The following STX1B variants were observed in gnomAD, a reference collection of about 807,000 sequenced individuals.
STX1B encodes the protein syntaxin 1B.
A neutral mutation model predicts 39.4 loss-of-function variants in STX1B; 7 were observed. The ratio of observed to expected loss-of-function variants is 0.18; its 90% CI spans 0.10 to 0.33. The LOEUF is 0.33. Among genes scored for constraint, STX1B ranks in the 10% least tolerant of loss-of-function variants. STX1B has a pLI of 1.00. For synonymous variants in STX1B, 136 were observed against 144.1 expected (o/e 0.94, Z 0.40); for missense variants, 198 against 383.2 (o/e 0.52, Z 4.04).
intron 4 of STX1B, 158 bp downstream of exon 4, chr16:31,000,770 T>C: frequency 1.4e-6 from 1 of 734,244 alleles, no homozygotes; most frequent in Admixed American, 2.6e-5. Context: ...AGCTAATTTT[T>C]GTATTTTTTG....
At chr16:30,993,106 C>G in intron 9 of STX1B, 24 bp downstream of exon 9, 1 of 1,610,826 alleles carries the variant, frequency 6.2e-7, no homozygotes, top group African/African-American at 1.3e-5. Flanking sequence ...CCCCGCCTAC[C>G]CCCAGGCCGC....
At chr16:31,009,980 C>T (rs538494751) in intron 1 of STX1B, among the ~76,000 whole-genome samples, 1 of 152,216 alleles carries the variant, frequency 6.6e-6, no homozygotes, top group Non-Finnish European at 1.5e-5. Flanking sequence ...CTGCTAGACT[C>T]TCAGCCTGGC....
At position 30,993,431 on chromosome 16, in the gene STX1B, C is replaced by T. The variant is rs774229767; in HGVS notation, c.591G>A (p.Arg197=). The T allele has an allele frequency of 3.1e-6, 5 of 1,613,898 alleles. No individual in the cohort carries two copies. The highest frequency in any genetic ancestry group is 4.2e-6 in the Non-Finnish European group (5 of 1,180,012). ...TCTCCAGCTTGATGATCTCATTGTG[C>T]CTCGTCTCAATCTCATTCAGCGCCT... ...TKQALNEIET[R]HNEIIKLETS... is the part of the protein sequence containing the mutation. Residue 197 remains arginine, a synonymous_variant, in exon 8 of 10, where the codon AGG becomes AGA. Transcript: ENST00000215095.
Position 30,990,606 on chromosome 16 carries a change from A to T in STX1B, c.*2215T>A, listed in dbSNP as rs1207457265. ...ACCTGGGACCCTGGGGTCCGCACAC[A>T]CACACCGAGTGCCTTGCCTGTGCAC... is the stretch of plus-strand genomic sequence containing the variant. On this transcript the variant is annotated 3_prime_UTR_variant, in exon 10 of 10. Transcript: ENST00000215095. 1.3e-5 allele frequency: 2 copies of T among 152,276 alleles called. No homozygotes were observed. The highest frequency in any genetic ancestry group is 4.8e-5 in the African/African-American group (2 of 41,440). 9.4% of individuals were successfully genotyped at this position (152,276 alleles called of 1,614,324 possible).
chr16:31,000,074 T>A (rs1476359066), intron 4 of STX1B, among the ~76,000 whole-genome samples: 1 of 151,724 alleles, frequency 6.6e-6, no homozygotes, highest in Non-Finnish European at 1.5e-5. Flanking sequence ...CTCGGCTCAC[T>A]GCAACCTCTG....
At position 31,001,279 on chromosome 16, in the gene STX1B, G is replaced by C; in HGVS notation, c.106-86C>G. ...GAACCAGCCAGGGTTCAGGGGAATG[G>C]ACCAGCCCCAGAACGGCTGATAAAA... On this transcript the variant is annotated intron_variant, in intron 2 of 9. Transcript: ENST00000215095. The surrounding 1 kb of genome is among the most constrained non-coding windows in gnomAD (Gnocchi z 5.5). 2 of 1,328,500 alleles carry C rather than the reference G, an allele frequency of 1.5e-6. No individual in the cohort carries two copies. The highest frequency in any genetic ancestry group is 1.2e-5 in the South Asian group (1 of 83,642). 82.3% of individuals were successfully genotyped at this position (1,328,500 alleles called of 1,614,324 possible). A position where few individuals can be genotyped will look rare whatever the true frequency, so the allele number is the denominator to read the frequency against.
At chr16:30,998,432 C>T (rs537284028) in intron 4 of STX1B, among the ~76,000 whole-genome samples, 3 of 152,346 alleles carry the variant, frequency 2.0e-5, no homozygotes, top group Admixed American at 2.0e-4. Flanking sequence ...ACAGCTCTGG[C>T]TCAGCAACAC....
rs775117894 is a variant in STX1B, at chr16:30,992,827, G to A, written c.861C>T (p.Gly287=). ...AGAGAAGGGTGGGGGGGGCCTACAA[G>A]CCCAGCGTCCCCCCAATGGATGACG... ...VLASSIGGTL[G]L is the part of the protein sequence containing the mutation. Residue 287 remains glycine, a synonymous_variant, in exon 10 of 10, where the codon GGC becomes GGT. Transcript: ENST00000215095. The A allele has an allele frequency of 1.2e-5, 20 of 1,610,366 alleles. No individual in the cohort carries two copies. In the East Asian group the frequency reaches 4.2e-4, roughly 34 times the overall value.
At chr16:30,997,423 C>T in intron 5 of STX1B, 79 bp downstream of exon 5, 3 of 1,152,946 alleles carry the variant, frequency 2.6e-6, no homozygotes, top group East Asian at 7.0e-5. Flanking sequence ...CGGTGCTTGG[C>T]CCTGGCCCGC....
rs759427955 is a variant in STX1B, at chr16:30,993,434, C to T, written c.588G>A (p.Thr196=). The T allele has an allele frequency of 1.5e-5, 24 of 1,613,930 alleles. No homozygotes were observed. In the South Asian group the frequency reaches 2.0e-4, roughly 13 times the overall value. ...CCAGCTTGATGATCTCATTGTGCCTCGTCTCAATCTCATTCAGCGCCTGCT... is the reference window on the plus strand; with the variant it reads ...CCAGCTTGATGATCTCATTGTGCCTTGTCTCAATCTCATTCAGCGCCTGCT... The part of the protein sequence containing the change: ...MTKQALNEIE[T]RHNEIIKLET... The change falls in exon 8 of 10, where the codon ACG becomes ACA. Residue 196 remains threonine, a synonymous_variant. Transcript: ENST00000215095.
rs1428425873 is a variant in STX1B, at chr16:30,989,940, C to T, written c.*2881G>A. On this transcript the variant is annotated 3_prime_UTR_variant, in exon 10 of 10. Transcript: ENST00000215095. ...TGGTTGCAGGCGCCTGGGCAGGTAGCACACATTTGTCCAAGAACATGCAAA... is the reference window on the plus strand; with the variant it reads ...TGGTTGCAGGCGCCTGGGCAGGTAGTACACATTTGTCCAAGAACATGCAAA... The T allele has an allele frequency of 1.3e-5, 2 of 152,314 alleles. No individual in the cohort carries two copies. Among genetic ancestry groups the T allele is most frequent in the African/African-American group, 4.8e-5 (2 of 41,436 alleles). The allele number at this position is 152,314 out of a possible 1,614,324, so 9.4% of individuals were successfully genotyped here.
rs759692040 is a variant in STX1B at position 31,000,882 on chromosome 16, C to T, written c.280+46G>A. ...CCCAAAGGCCTGAGCCACCATGCTC[C>T]ACCCACAATTCTTTTCCTTCCTGGT... On this transcript the variant is annotated intron_variant, in intron 4 of 9. Transcript: ENST00000215095. 8 of 1,602,350 alleles carry T rather than the reference C, an allele frequency of 5.0e-6. No homozygotes were observed. In the South Asian group the frequency reaches 7.7e-5, roughly 15 times the overall value.
At position 31,001,595 on chromosome 16, in the gene STX1B, G is replaced by A; in HGVS notation, c.39C>T (p.Asp13=). ...GGACCACCTCCTCTTCATCATCACT[G>A]TCTTTCGCCTGGGGACAAGGAAGGC... The part of the protein sequence containing the change: ...DRTQELRSAK[D]SDDEEEVVHV... The change falls in exon 2 of 10, where the codon GAC becomes GAT. Residue 13 remains aspartate (D), a synonymous_variant. Transcript: ENST00000215095. This position sits in a 1 kb window ranked among gnomAD's most constrained non-coding sequence, Gnocchi z 5.5. 1.2e-6 allele frequency: 2 copies of A among 1,613,286 alleles called. No homozygotes were observed. Among genetic ancestry groups the A allele is most frequent in the South Asian group, 2.2e-5 (2 of 91,068 alleles).
rs757490123 is a variant in STX1B, at chr16:30,997,091, G to A, written c.355-32C>T. 50 of 1,494,122 alleles carry A rather than the reference G, an allele frequency of 3.3e-5. No homozygotes were observed. The South Asian group carries it at 5.6e-4, about 17-fold the overall frequency. The allele number at this position is 1,494,122 out of a possible 1,614,324, so 92.6% of individuals were successfully genotyped here. Reference sequence around the variant, plus strand: ...TGGGGGTGGGGGGACAGACGGATCAGGGAGGTAGTCAGGGATCAGGGAGGG... The same window carrying A: ...TGGGGGTGGGGGGACAGACGGATCAAGGAGGTAGTCAGGGATCAGGGAGGG... On this transcript the variant is annotated intron_variant, in intron 5 of 9. Transcript: ENST00000215095.
At chr16:30,993,263 C>A (rs762846021) in intron 8 of STX1B, 23 bp from the exon 9 acceptor site, 1 of 1,613,886 alleles carries the variant, frequency 6.2e-7, no homozygotes, top group Non-Finnish European at 8.5e-7. Flanking sequence ...GAGACATGCA[C>A]AGGGAGGGAT....
intron 1 of STX1B, 23 bp downstream of exon 1, chr16:31,010,344 A>AGC (rs780718517): frequency 4.5e-6 from 1 of 224,708 alleles, no homozygotes; most frequent in Admixed American, 6.4e-5. Flanking sequence ...CCGCCCCCCC[A>AGC]TTCTCCCCAC....
chr16:30,997,350 G>A (rs1348928407), intron 5 of STX1B, 152 bp downstream of exon 5: 1 of 699,648 alleles, frequency 1.4e-6, no homozygotes, highest in East Asian at 2.8e-5. Flanking sequence ...CCCGCCCAGG[G>A]CCCCGCCCGC....
At chr16:30,993,086 C>A (rs201144770) in intron 9 of STX1B, 44 bp downstream of exon 9, 7 of 1,586,600 alleles carry the variant, frequency 4.4e-6, no homozygotes, top group Admixed American at 1.7e-5. Flanking sequence ...CCGGGCTCAG[C>A]CTTGGGCTCC....
intron 1 of STX1B, among the ~76,000 whole-genome samples, chr16:31,002,389 G>A (rs887723737): frequency 6.6e-6 from 1 of 152,070 alleles, no homozygotes; most frequent in Non-Finnish European, 1.5e-5. Flanking sequence ...AGACAGACTC[G>A]AGACACAGAC....
Sources: allele counts gnomAD v4.1 joint callset (sites outside exome capture counted in the v4.1 genomes callset), GRCh38; gene constraint gnomAD v4.1.1; non-coding constraint Gnocchi (gnomAD v3.1); transcripts MANE v1.5; gene names NCBI Gene and HGNC (gene_info 2026-07-23, HGNC 2026-07-21).